Variants in COL4A2 observed in about 807,000 individuals in gnomAD.
COL4A2 encodes the protein collagen alpha-2(IV) chain.
COL4A2 carries 99 observed loss-of-function variants against 200.2 expected under a neutral mutation model. That is an observed-to-expected ratio of 0.49 (90% CI 0.42 to 0.58). COL4A2 has a LOEUF of 0.58. Ranked by LOEUF, COL4A2 falls within the 20% of genes least tolerant of loss-of-function variation. The pLI, the probability that COL4A2 is intolerant of heterozygous loss-of-function variation, is 0.00. For missense variants in COL4A2, 1,950 were observed against 2,314.1 expected, an observed-to-expected ratio of 0.84 and a Z score of 3.23; for synonymous variants, 897 against 900.6, an observed-to-expected ratio of 1.00 and a Z score of 0.07.
In COL4A2 at chr13:110,446,788, C is replaced by G. The variant is rs1881342912; in HGVS notation, c.1012-10C>G. ...TTCTCACATCCTGTTTTTCTCTTTT[C>G]TTTCTCTAGGGAGAAGCCGGAGACC... On this transcript the variant is annotated splice_polypyrimidine_tract_variant and intron_variant, in intron 17 of 47. Coordinates refer to ENST00000360467, the MANE Select transcript of COL4A2 (RefSeq NM_001846.4). 3.1e-6 allele frequency: 5 copies of G among 1,608,992 alleles called. No individual in the cohort carries two copies. Among genetic ancestry groups the G allele is most frequent in the African/African-American group, 1.3e-5 (1 of 74,848 alleles).
chr13:110,445,797 A>C, intron 16 of COL4A2, 32 bp from the exon 17 acceptor site: 2 of 1,613,962 alleles, frequency 1.2e-6, no homozygotes, highest in African/African-American at 1.3e-5. Context: ...TACATCAGAG[A>C]CAAAAATTAA....
intron 21 of COL4A2, among the ~76,000 whole-genome samples, 160 bp from the exon 22 acceptor site, chr13:110,458,611 T>G (rs1224122522): frequency 2.0e-5 from 3 of 152,276 alleles, no homozygotes; most frequent in African/African-American, 7.2e-5. Context: ...GAGCCTCAGT[T>G]TTCCCATCTA....
At chr13:110,474,794 TAC>T (rs1291795305) in intron 29 of COL4A2, among the ~76,000 whole-genome samples, 1 of 46,464 alleles carries the variant, frequency 2.2e-5, no homozygotes. Flanking sequence ...CGTGCCTGTG[TAC>T]ACTCACACAT....
At chr13:110,349,275 T>G (rs1594162048) in intron 3 of COL4A2, among the ~76,000 whole-genome samples, 1 of 152,258 alleles carries the variant, frequency 6.6e-6, no homozygotes, top group African/African-American at 2.4e-5. Context: ...CATTGGGCAG[T>G]TTTCTCCACG....
chr13:110,492,326 C>T (rs1178838142), intron 38 of COL4A2, 149 bp downstream of exon 38: 5 of 675,462 alleles, frequency 7.4e-6, no homozygotes, highest in Non-Finnish European at 1.3e-5. Context: ...GTGGTCTGCA[C>T]CAACATAGCA....
intron 4 of COL4A2, among the ~76,000 whole-genome samples, chr13:110,404,408 A>G (rs911456183): frequency 2.0e-5 from 3 of 152,196 alleles, no homozygotes; most frequent in Non-Finnish European, 4.4e-5. Flanking sequence ...GTTCTGTGAT[A>G]TGGGCAGGGG....
At position 110,458,787 on chromosome 13, in the gene COL4A2, C is replaced by T; in HGVS notation, c.1449C>T (p.Cys483=). The T allele has an allele frequency of 1.9e-6, 3 of 1,614,052 alleles. No homozygotes were observed. The highest frequency in any genetic ancestry group is 1.7e-6 in the Non-Finnish European group (2 of 1,179,980). The part of the protein sequence containing the change: ...PKGWKGDAGE[C]RCTEGDEAIK... ...CCTCTGCAGGTGACGCTGGGGAATG[C>T]AGATGTACAGAAGGCGACGAAGCTA... Residue 483 remains cysteine, a synonymous_variant, in exon 22 of 48, where the codon TGC becomes TGT. Coordinates refer to ENST00000360467, the MANE Select transcript of COL4A2 (RefSeq NM_001846.4).
At chr13:110,482,479 C>A (rs1381975371) in intron 31 of COL4A2, 37 bp from the exon 32 acceptor site, 5 of 1,597,940 alleles carry the variant, frequency 3.1e-6, no homozygotes, top group Non-Finnish European at 4.3e-6. Context: ...GCATTTTATT[C>A]ATGTCTAACC....
intron 3 of COL4A2, among the ~76,000 whole-genome samples, chr13:110,333,187 G>A (rs772180624): frequency 1.3e-5 from 2 of 152,186 alleles, no homozygotes; most frequent in Non-Finnish European, 2.9e-5. Flanking sequence ...CCACTGGCCC[G>A]GTTACTCAGA....
At chr13:110,448,143 C>T (rs1429120088) in intron 18 of COL4A2, among the ~76,000 whole-genome samples, 1 of 152,118 alleles carries the variant, frequency 6.6e-6, no homozygotes, top group Non-Finnish European at 1.5e-5. Flanking sequence ...ACCTGAGACC[C>T]ACTAAAAAGA....
intron 4 of COL4A2, among the ~76,000 whole-genome samples, chr13:110,387,111 C>T (rs1055016050): frequency 6.6e-6 from 1 of 152,022 alleles, no homozygotes; most frequent in Non-Finnish European, 1.5e-5. Flanking sequence ...TGGTGGCGGG[C>T]GCCTGTTATC....
At chr13:110,432,248 C>T in intron 10 of COL4A2, 77 bp from the exon 11 acceptor site, 1 of 1,514,232 alleles carries the variant, frequency 6.6e-7, no homozygotes, top group Non-Finnish European at 8.8e-7. Context: ...CAATGGCTTT[C>T]CCAGAGCTTT....
At chr13:110,429,847 T>C (rs773133213) in intron 7 of COL4A2, 38 bp from the exon 8 acceptor site, 2 of 1,596,116 alleles carry the variant, frequency 1.3e-6, no homozygotes, top group Non-Finnish European at 1.7e-6. Flanking sequence ...TGGACTCTTT[T>C]TGTTGTTTTT....
At chr13:110,308,648 A>G (rs1400127748) in intron 3 of COL4A2, among the ~76,000 whole-genome samples, 1 of 152,140 alleles carries the variant, frequency 6.6e-6, no homozygotes. Flanking sequence ...ACAATGGCAG[A>G]AAAACCGCGT....
chr13:110,339,151 G>C (rs1876339503), intron 3 of COL4A2, among the ~76,000 whole-genome samples: 1 of 152,214 alleles, frequency 6.6e-6, no homozygotes, highest in African/African-American at 2.4e-5. Flanking sequence ...GAGATGAAGA[G>C]TGTGATTGAG....
intron 4 of COL4A2, among the ~76,000 whole-genome samples, chr13:110,359,191 A>G (rs1297531068): frequency 6.6e-6 from 1 of 152,186 alleles, no homozygotes; most frequent in African/African-American, 2.4e-5. Context: ...ACCCCAAATC[A>G]TCACCATTAC....
chr13:110,503,870 C>A lies in COL4A2; in HGVS notation c.4162C>A (p.Pro1388Thr), dbSNP rs1172869583. 6.2e-7 allele frequency: 1 copy of A among 1,613,930 alleles called. No homozygotes were observed. The highest frequency in any genetic ancestry group is 1.7e-4 in the Middle Eastern group (1 of 6,056). The change falls in exon 44 of 48, where the codon CCC becomes ACC. Residue 1388 changes from proline (P) to threonine (T), a missense_variant. Around this residue, in one of 2 missense-constraint regions of COL4A2, gnomAD observed 1,385 missense variants for 1,720.5 expected, o/e 0.80. Coordinates refer to ENST00000360467, the MANE Select transcript of COL4A2 (RefSeq NM_001846.4). ...AGGTGCCCCCGGGACTGTGGGAGCC[C>A]CCGGGATTGCAGGAATCCCCCAGAA... ...FPGAPGTVGA[P>T]GIAGIPQKIA... is the part of the protein sequence containing the mutation.
rs1462483400 is a variant in COL4A2, at chr13:110,508,585, T to C, written c.4881+364T>C. Reference sequence around the variant, plus strand: ...ATATATGGGAGACTTTTCTCTAGAATCCTGATCTTATTTAGAATCTATCTG... The same window carrying C: ...ATATATGGGAGACTTTTCTCTAGAACCCTGATCTTATTTAGAATCTATCTG... On this transcript the variant is annotated intron_variant, in intron 47 of 47. Transcript: ENST00000360467. The surrounding 1 kb of genome is among the most constrained non-coding windows in gnomAD (Gnocchi z 6.1). Among the ~76,000 whole-genome samples the C allele has an allele frequency of 6.6e-6, 1 of 152,248 alleles. No individual in the cohort carries two copies. Among genetic ancestry groups the C allele is most frequent in the Non-Finnish European group, 1.5e-5 (1 of 68,034 alleles).
intron 28 of COL4A2, 32 bp downstream of exon 28, chr13:110,469,356 TG>T (rs1882376618): frequency 6.4e-7 from 1 of 1,551,668 alleles, no homozygotes; most frequent in African/African-American, 1.4e-5. Flanking sequence ...ATTCAGCCCC[TG>T]GGTTCCAGCG....
Sources: gnomAD v4.1 joint callset for allele counts (sites outside exome capture counted in the v4.1 genomes callset) on GRCh38, gnomAD v4.1.1 for gene constraint, gnomAD v4.1.1 regional missense constraint, Gnocchi (gnomAD v3.1) non-coding constraint, MANE v1.5 for transcripts, NCBI Gene and HGNC (gene_info 2026-07-23, HGNC 2026-07-21) for gene names.